Variants in MYOM3 observed in about 807,000 individuals in gnomAD.
The protein encoded by MYOM3 is myomesin 3, also known as myomesin-3.
MYOM3 carries 155 observed loss-of-function variants against 191.7 expected under a neutral mutation model. That is an observed-to-expected ratio of 0.81 (90% CI 0.71 to 0.92). The LOEUF is 0.92. MYOM3 is among the 40% of genes least tolerant of loss of function. The probability of loss-of-function intolerance (pLI) is 0.00; values close to 1 mark genes in which losing one functional copy is unlikely to be tolerated. For missense variants in MYOM3, 1,889 were observed against 1,890.6 expected, an observed-to-expected ratio of 1.00 and a Z score of 0.02; for synonymous variants, 757 against 762.9, an observed-to-expected ratio of 0.99 and a Z score of 0.13.
chr1:24,058,854 G>A (rs1643333606), intron 36 of MYOM3, 70 bp downstream of exon 36: 16 of 1,145,682 alleles, frequency 1.4e-5, no homozygotes, highest in South Asian at 6.5e-5. Flanking sequence ...GCATTGTTTC[G>A]TGATCTGTGG....
chr1:24,091,405 GGCAT>G (rs1404583989), intron 11 of MYOM3, among the ~76,000 whole-genome samples: 2 of 152,134 alleles, frequency 1.3e-5, no homozygotes, highest in Non-Finnish European at 2.9e-5. Context: ...TCCCTAAGTT[GGCAT>G]GCATTCCAGG....
chr1:24,091,286 TA>T (rs1342103442), intron 11 of MYOM3, among the ~76,000 whole-genome samples: 2 of 152,140 alleles, frequency 1.3e-5, no homozygotes, highest in Admixed American at 1.3e-4. Context: ...CTGGCAGTCC[TA>T]GGGGGCACGT....
intron 35 of MYOM3, among the ~76,000 whole-genome samples, chr1:24,059,405 G>T (rs897024486): frequency 4.6e-5 from 7 of 152,230 alleles, no homozygotes; most frequent in Non-Finnish European, 5.9e-5. Context: ...AGAGTGGTGG[G>T]ATTATAGGCA....
In MYOM3 at chr1:24,067,321, TTTCC is replaced by T. The variant is rs1187824299; in HGVS notation, c.3356-237_3356-234del. ...CTTTCTTTCCTTCTTTCTTTCTTTC[TTTCC>T]TTCTTTCTTTCTTTCTTTCTTTCTT... On this transcript the variant is annotated intron_variant, in intron 27 of 36. Transcript: ENST00000374434. Among the ~76,000 whole-genome samples the T allele has an allele frequency of 9.6e-5, 10 of 104,656 alleles. No homozygotes were observed. The East Asian group carries it at 9.6e-4, about 10-fold the overall frequency. 68.7% of individuals were successfully genotyped at this position (104,656 alleles called of 152,430 possible).
intron 14 of MYOM3, 113 bp downstream of exon 14, chr1:24,089,425 G>A: frequency 1.5e-6 from 2 of 1,374,938 alleles, no homozygotes; most frequent in Non-Finnish European, 1.9e-6. Flanking sequence ...GGCCCTTCTG[G>A]CCAGGGGATT....
At chr1:24,074,560 G>A (rs1643573759) in intron 22 of MYOM3, among the ~76,000 whole-genome samples, 1 of 152,224 alleles carries the variant, frequency 6.6e-6, no homozygotes, top group African/African-American at 2.4e-5. Flanking sequence ...TCTGGACAGA[G>A]CTGAGGCCGT....
rs746030427 is a variant in MYOM3, at chr1:24,065,977, G to A, written c.3448C>T (p.Arg1150Cys). ...CKVTNTKKET[R>C]FQWFFQRAEM... ...GCCCTCTGGAAGAACCACTGAAAGC[G>A]AGTCTCCTTCTTGGTGTTGGTCACC... The change falls in exon 29 of 37, where the codon CGC (arginine) becomes TGC (cysteine). Residue 1150 changes from arginine to cysteine, a missense_variant. Arg to Cys is a radical substitution (Grantham distance 180, BLOSUM62 -3). Coordinates refer to ENST00000374434, the MANE Select transcript of MYOM3 (RefSeq NM_152372.4). 8.7e-6 allele frequency: 14 copies of A among 1,613,818 alleles called. No individual in the cohort carries two copies. Among genetic ancestry groups the A allele is most frequent in the African/African-American group, 4.0e-5 (3 of 74,928 alleles).
rs759906467 is a variant in MYOM3, at chr1:24,065,891, C to T, written c.3534G>A (p.Glu1178=). 6.2e-7 allele frequency: 1 copy of T among 1,603,196 alleles called. No individual in the cohort carries two copies. Among genetic ancestry groups the T allele is most frequent in the Non-Finnish European group, 8.5e-7 (1 of 1,170,042 alleles). ...GCCCTGAAGCTGGAGCCACACTTGC[C>T]TCTTCAATGCAGAGAAGTCCCGTTC... ...ETGTGLLCIE[E]LSKKDKGIYR... is the part of the protein sequence containing the mutation. The change falls in exon 29 of 37, where the codon GAG becomes GAA. Residue 1178 remains glutamate, a splice_region_variant and synonymous_variant. Transcript: ENST00000374434.
chr1:24,088,087 C>G (rs993604089), intron 14 of MYOM3, among the ~76,000 whole-genome samples: 1 of 152,184 alleles, frequency 6.6e-6, no homozygotes, highest in Admixed American at 6.5e-5. Context: ...ACCCAGAAGG[C>G]AGCCAGAAAC....
chr1:24,075,211 C>T (rs1478364628), intron 22 of MYOM3, 108 bp downstream of exon 22: 1 of 1,110,734 alleles, frequency 9.0e-7, no homozygotes, highest in East Asian at 2.5e-5. Flanking sequence ...CGCCTTTCAA[C>T]CATCATGGAT....
At chr1:24,069,968 T>C (rs1238862741) in intron 25 of MYOM3, among the ~76,000 whole-genome samples, 1 of 152,098 alleles carries the variant, frequency 6.6e-6, no homozygotes, top group African/African-American at 2.4e-5. Context: ...ACAAATAATA[T>C]GAGATTGAGT....
Position 24,094,898 on chromosome 1 carries a change from A to G in MYOM3, c.883T>C (p.Ser295Pro). The G allele has an allele frequency of 1.9e-6, 3 of 1,614,116 alleles. No individual in the cohort carries two copies. Among genetic ancestry groups the G allele is most frequent in the Non-Finnish European group, 2.5e-6 (3 of 1,180,002 alleles). The change falls in exon 9 of 37, where the codon TCG (serine) becomes CCG (proline). Residue 295 changes from serine to proline, a missense_variant. Coordinates refer to ENST00000374434, the MANE Select transcript of MYOM3 (RefSeq NM_152372.4). ...CTCTCAGCATCTAACACATCTTCCG[A>G]AAACAAGCATGACAGGGAGAAGGGT... ...KEPFSLSCLF[S>P]EDVLDAESIQ... is the part of the protein sequence containing the mutation.
intron 23 of MYOM3, 51 bp from the exon 24 acceptor site, chr1:24,072,064 T>G (rs2148546417): frequency 1.7e-5 from 27 of 1,560,728 alleles, no homozygotes; most frequent in Non-Finnish European, 2.0e-5. Context: ...AATATCCTGG[T>G]CGGGGGTGGG....
Position 24,057,414 on chromosome 1 carries a change from T to A in MYOM3, c.4264A>T (p.Ile1422Phe), listed in dbSNP as rs1643315448. The A allele has an allele frequency of 6.2e-7, 1 of 1,614,010 alleles. No individual in the cohort carries two copies. Residue 1422 changes from isoleucine to phenylalanine, a missense_variant, in exon 37 of 37, where the codon ATC becomes TTC. Physicochemically the swap from Ile to Phe is conservative, Grantham distance 21 (BLOSUM62 0). Coordinates refer to ENST00000374434, the MANE Select transcript of MYOM3 (RefSeq NM_152372.4). Reference sequence around the variant, plus strand: ...TCGTCCCCGTGCTTGAACACACTGATGGTGACCTGGCCCGTCTCGGAGCCA... The same window carrying A: ...TCGTCCCCGTGCTTGAACACACTGAAGGTGACCTGGCCCGTCTCGGAGCCA... ...KYGSETGQVTISVFKHGDEPK... is the reference protein window; with the variant it reads ...KYGSETGQVTFSVFKHGDEPK...
chr1:24,093,085 GTCTCGAGGAC>G lies in MYOM3; in HGVS notation c.942_951del (p.Arg314SerfsTer14). 1.2e-6 allele frequency: 2 copies of G among 1,610,820 alleles called. No individual in the cohort carries two copies. Among genetic ancestry groups the G allele is most frequent in the Non-Finnish European group, 1.7e-6 (2 of 1,179,730 alleles). On this transcript the variant is annotated frameshift_variant, in exon 10 of 37. Transcript: ENST00000374434. LOFTEE classifies it high-confidence loss of function. ...CGGTCTGTGTAGAGGATCTTCCGAC[GTCTCGAGGAC>G]CTCAGTAGGCTCCCTGTGGAGGGGA...
intron 11 of MYOM3, among the ~76,000 whole-genome samples, chr1:24,091,318 C>T (rs1643821778): frequency 6.6e-6 from 1 of 152,196 alleles, no homozygotes; most frequent in Non-Finnish European, 1.5e-5. Flanking sequence ...TCACTGCACA[C>T]ATGGAGGATC....
chr1:24,095,433 C>T lies in MYOM3; in HGVS notation c.790+9G>A. ...AATCCCAGGTCCCGTTCTCCCCCAG[C>T]CGACTTACTTTTGAAGATCTCTGAA... On this transcript the variant is annotated intron_variant, in intron 8 of 36. Coordinates refer to ENST00000374434, the MANE Select transcript of MYOM3 (RefSeq NM_152372.4). 4 of 1,612,044 alleles carry T rather than the reference C, an allele frequency of 2.5e-6. No individual in the cohort carries two copies. The highest frequency in any genetic ancestry group is 3.4e-6 in the Non-Finnish European group (4 of 1,178,836).
chr1:24,086,780 A>T lies in MYOM3; in HGVS notation c.1662T>A (p.Pro554=). 6.2e-7 allele frequency: 1 copy of T among 1,614,134 alleles called. No homozygotes were observed. Residue 554 remains proline (P), a synonymous_variant, in exon 15 of 37, where the codon CCT becomes CCA. Transcript: ENST00000374434. The part of the protein sequence containing the change: ...GTWEAISSES[P]VRSPRFAVLD... ...GAACGGCGAATCTCGGGGATCTCAC[A>T]GGGCTTTCCGAGCTGATGGCCTCCC...
At chr1:24,064,900 A>G (rs563155435) in intron 29 of MYOM3, among the ~76,000 whole-genome samples, 2 of 152,312 alleles carry the variant, frequency 1.3e-5, no homozygotes, top group South Asian at 4.1e-4. Flanking sequence ...CCAAGTTCTC[A>G]GCCAAACCTA....
Sources: gnomAD v4.1 joint callset for allele counts (sites outside exome capture counted in the v4.1 genomes callset) on GRCh38, gnomAD v4.1.1 for gene constraint, MANE v1.5 for transcripts, NCBI Gene and HGNC (gene_info 2026-07-23, HGNC 2026-07-21) for gene names.